TXNRD3: variants seen among roughly 807,000 people sequenced by gnomAD.
TXNRD3 encodes thioredoxin reductase 3.
TXNRD3 carries 68 observed loss-of-function variants against 78.2 expected under a neutral mutation model. That is an observed-to-expected ratio of 0.87 (90% CI 0.72 to 1.06). The LOEUF (loss-of-function observed/expected upper bound fraction) is 1.06, where lower values mean the gene tolerates loss of function less well. Among genes scored for constraint, TXNRD3 ranks in the 50% least tolerant of loss-of-function variants. The pLI is 0.00. For synonymous variants in TXNRD3, 296 were observed against 300.1 expected (o/e 0.99, Z 0.14); for missense variants, 751 against 809.5 (o/e 0.93, Z 0.88).
chr3:126,636,076 C>T (rs2107621411), intron 6 of TXNRD3, among the ~76,000 whole-genome samples: 1 of 152,250 alleles, frequency 6.6e-6, no homozygotes, highest in Admixed American at 6.5e-5. Flanking sequence ...GAACTACAGG[C>T]ATGAGCCACC....
Position 126,631,845 on chromosome 3 carries a change from G to C in TXNRD3, c.890C>G (p.Thr297Ser). ...CGTTGCTATGACAAACTGTGCAGCA[G>C]TATAATAAGTCTCCTGTCCTTTTTT... is the stretch of plus-strand genomic sequence containing the variant. Residue 297 changes from threonine (T) to serine (S), a missense_variant, in exon 8 of 16, where the codon ACT (threonine) becomes AGT (serine). Thr to Ser is a moderately conservative substitution (Grantham distance 58). Transcript: ENST00000524230. The C allele has an allele frequency of 6.5e-7, 1 of 1,536,030 alleles. No homozygotes were observed. Among genetic ancestry groups the C allele is most frequent in the Non-Finnish European group, 8.7e-7 (1 of 1,146,794 alleles).
chr3:126,621,752 G>C lies in TXNRD3; in HGVS notation c.1514C>G (p.Ser505Cys). 6.6e-7 allele frequency: 1 copy of C among 1,509,504 alleles called. No individual in the cohort carries two copies. Among genetic ancestry groups the C allele is most frequent in the Non-Finnish European group, 8.8e-7 (1 of 1,139,276 alleles). 93.5% of individuals were successfully genotyped at this position (1,509,504 alleles called of 1,614,324 possible). Residue 505 changes from serine (S) to cysteine (C), a missense_variant, in exon 12 of 16, where the codon TCT becomes TGT. Ser to Cys is a moderately radical substitution (Grantham distance 112, BLOSUM62 -1). Transcript: ENST00000524230. Reference sequence around the variant, plus strand: ...CAGTAAGAAACTTACCTTTTCTAAAGAGGCCCCAAAAAGTCTCTGAGCTAG... The same window carrying C: ...CAGTAAGAAACTTACCTTTTCTAAACAGGCCCCAAAAAGTCTCTGAGCTAG...
chr3:126,650,780 T>C lies in TXNRD3; in HGVS notation c.244-3484A>G, dbSNP rs539152442. On this transcript the variant is annotated intron_variant, in intron 1 of 15. Transcript: ENST00000524230. ...TTTTATCGTTATCTATCTTTGCTGA[T>C]ACTAGTTTCTTAACTAGATGCTCTT... is the stretch of plus-strand genomic sequence containing the variant. 4.0e-3 allele frequency among the ~76,000 whole-genome samples: 612 copies of C among 152,388 alleles called. 3 individuals are homozygous for C. Among genetic ancestry groups the C allele is most frequent in the Non-Finnish European group, 6.2e-3 (425 of 68,044 alleles).
intron 12 of TXNRD3, among the ~76,000 whole-genome samples, chr3:126,619,489 T>C (rs1938395849): frequency 6.6e-6 from 1 of 152,174 alleles, no homozygotes; most frequent in Admixed American, 6.5e-5. Context: ...TTCTCACTCA[T>C]ATGTGGGAGC....
chr3:126,646,900 A>G (rs565701811), intron 2 of TXNRD3, among the ~76,000 whole-genome samples: 47 of 152,374 alleles, frequency 3.1e-4, no homozygotes, highest in Non-Finnish European at 4.9e-4. Flanking sequence ...TGACACAGCC[A>G]GGAAATGGGA....
At chr3:126,612,744 G>T (rs1938228302) in intron 13 of TXNRD3, among the ~76,000 whole-genome samples, 1 of 152,160 alleles carries the variant, frequency 6.6e-6, no homozygotes, top group Non-Finnish European at 1.5e-5. Context: ...GCACTTTGAA[G>T]ATTTTACTAT....
chr3:126,609,187 A>C, intron 14 of TXNRD3: 1 of 435,976 alleles, frequency 2.3e-6, no homozygotes, highest in Middle Eastern at 3.3e-4. Context: ...GTAACGGTGC[A>C]TTCTAGGCTG....
chr3:126,611,278 G>C (rs540409313), intron 13 of TXNRD3, 146 bp from the exon 14 acceptor site: 1 of 468,590 alleles, frequency 2.1e-6, no homozygotes, highest in South Asian at 5.2e-5. Context: ...TGTATCTGTT[G>C]GGAGCCCCAG....
At position 126,609,888 on chromosome 3, in the gene TXNRD3, TAC is replaced by T; in HGVS notation, c.1728+1147_1728+1148del. 1.3e-5 allele frequency among the ~76,000 whole-genome samples: 2 copies of T among 152,286 alleles called. 1 individual carries two copies. Among genetic ancestry groups the T allele is most frequent in the South Asian group, 4.1e-4 (2 of 4,826 alleles). ...CTCACTTTCAGAGGGTAACAATGTG[TAC>T]AGTCTCTCCCTACTCCCTTTGGAAA... On this transcript the variant is annotated intron_variant, in intron 14 of 15. Coordinates refer to ENST00000524230, the MANE Select transcript of TXNRD3 (RefSeq NM_052883.3).
At chr3:126,610,948 T>TAAA in intron 14 of TXNRD3, 89 bp downstream of exon 14, 4 of 729,066 alleles carry the variant, frequency 5.5e-6, no homozygotes, top group Non-Finnish European at 7.9e-6. Flanking sequence ...ATCCCGTCTC[T>TAAA]AAAAAAAAAA....
At position 126,621,866 on chromosome 3, in the gene TXNRD3, T is replaced by C. The variant is rs773442388; in HGVS notation, c.1400A>G (p.Gln467Arg). 100 of 1,522,864 alleles carry C rather than the reference T, an allele frequency of 6.6e-5. No individual in the cohort carries two copies. Among genetic ancestry groups the C allele is most frequent in the Non-Finnish European group, 8.7e-5 (99 of 1,143,384 alleles). 94.3% of individuals were successfully genotyped at this position (1,522,864 alleles called of 1,614,324 possible). A position where few individuals can be genotyped will look rare whatever the true frequency, so the allele number is the denominator to read the frequency against. Residue 467 changes from glutamine to arginine, a missense_variant, in exon 12 of 16, where the codon CAG becomes CGG. Coordinates refer to ENST00000524230, the MANE Select transcript of TXNRD3 (RefSeq NM_052883.3). ...AGCATAGACATATGGCACATTGGTC[T>C]GTTCCACATCATTTACAGGTATTTT...
chr3:126,628,210 C>T (rs1180838604), intron 10 of TXNRD3, among the ~76,000 whole-genome samples: 1 of 152,048 alleles, frequency 6.6e-6, no homozygotes, highest in Non-Finnish European at 1.5e-5. Context: ...ACTTGATTAA[C>T]AGCATATAAC....
chr3:126,629,209 A>G (rs1938651824), intron 10 of TXNRD3, among the ~76,000 whole-genome samples, 170 bp downstream of exon 10: 1 of 152,326 alleles, frequency 6.6e-6, no homozygotes, highest in Non-Finnish European at 1.5e-5. Flanking sequence ...TTCCTCATGC[A>G]TTACTGAAAA....
At chr3:126,633,701 T>C (rs1938780453) in intron 7 of TXNRD3, among the ~76,000 whole-genome samples, 1 of 152,044 alleles carries the variant, frequency 6.6e-6, no homozygotes, top group Non-Finnish European at 1.5e-5. Flanking sequence ...TAATTAAGAG[T>C]TCTTTAAAAC....
chr3:126,619,603 A>G (rs1425495822), intron 12 of TXNRD3, among the ~76,000 whole-genome samples: 1 of 152,224 alleles, frequency 6.6e-6, no homozygotes, highest in Non-Finnish European at 1.5e-5. Flanking sequence ...TAATAGACAC[A>G]AAATTACAGC....
chr3:126,653,701 C>T (rs1389273176), intron 1 of TXNRD3, among the ~76,000 whole-genome samples: 2 of 152,188 alleles, frequency 1.3e-5, no homozygotes, highest in Non-Finnish European at 1.5e-5. Context: ...CTTCAAGATA[C>T]CTATTCTAGA....
At chr3:126,647,356 G>A (rs1243600183) in intron 1 of TXNRD3, 60 bp from the exon 2 acceptor site, 1 of 1,187,914 alleles carries the variant, frequency 8.4e-7, no homozygotes, top group Non-Finnish European at 1.2e-6. Context: ...TATGAAATAT[G>A]AACATAGTAA....
chr3:126,645,863 G>C (rs1326027858), intron 3 of TXNRD3, among the ~76,000 whole-genome samples: 1 of 152,168 alleles, frequency 6.6e-6, no homozygotes, highest in Non-Finnish European at 1.5e-5. Flanking sequence ...AAAGACCTGG[G>C]ATGTCTCCAG....
chr3:126,636,032 A>T (rs1046487856), intron 6 of TXNRD3, among the ~76,000 whole-genome samples: 1 of 152,192 alleles, frequency 6.6e-6, no homozygotes, highest in African/African-American at 2.4e-5. Context: ...CCCAGGTCCA[A>T]GTAATTCTCC....
Sources: allele counts gnomAD v4.1 joint callset (sites outside exome capture counted in the v4.1 genomes callset), GRCh38; gene constraint gnomAD v4.1.1; transcripts MANE v1.5; gene names NCBI Gene and HGNC (gene_info 2026-07-23, HGNC 2026-07-21).